Variants in SLIT2 observed in about 807,000 individuals in gnomAD.
SLIT2 encodes the protein slit homolog 2 protein.
A neutral mutation model predicts 185.7 loss-of-function variants in SLIT2; 41 were observed. That is an observed-to-expected ratio of 0.22 (90% CI 0.17 to 0.29). SLIT2 has a LOEUF of 0.29. Ranked by LOEUF, SLIT2 falls within the 10% of genes least tolerant of loss-of-function variation. The pLI, the probability that SLIT2 is intolerant of heterozygous loss-of-function variation, is 1.00. For synonymous variants in SLIT2, 693 were observed against 680.2 expected (o/e 1.02, Z -0.29); for missense variants, 1,571 against 1,909.0 (o/e 0.82, Z 3.30).
intron 30 of SLIT2, among the ~76,000 whole-genome samples, chr4:20,591,823 A>G (rs980023599): frequency 6.6e-6 from 1 of 152,132 alleles, no homozygotes; most frequent in Non-Finnish European, 1.5e-5. Context: ...AGTATAAGAT[A>G]AAGTATTAGT....
chr4:20,374,846 G>A lies in SLIT2; in HGVS notation c.396-92906G>A, dbSNP rs573693939. On this transcript the variant is annotated intron_variant, in intron 4 of 36. Coordinates refer to ENST00000504154, the MANE Select transcript of SLIT2 (RefSeq NM_004787.4). ...CTGTGACAATATAAACTTATTAAAG[G>A]CTTACGTTCACTCGATACATTGATC... 5.7e-4 allele frequency among the ~76,000 whole-genome samples: 87 copies of A among 152,090 alleles called. No individual in the cohort carries two copies. In the South Asian group the frequency reaches 0.015, roughly 25 times the overall value.
intron 4 of SLIT2, among the ~76,000 whole-genome samples, chr4:20,429,867 G>A (rs563103808): frequency 1.7e-4 from 26 of 152,272 alleles, no homozygotes; most frequent in South Asian, 1.0e-3. Flanking sequence ...AGGTCTACTC[G>A]ATCTCTTTAG....
chr4:20,409,681 C>T (rs1727051286), intron 4 of SLIT2, among the ~76,000 whole-genome samples: 1 of 152,186 alleles, frequency 6.6e-6, no homozygotes, highest in Non-Finnish European at 1.5e-5. Context: ...AATTTACATT[C>T]CCATCAACAA....
intron 20 of SLIT2, among the ~76,000 whole-genome samples, chr4:20,542,154 T>C (rs1397071141): frequency 6.6e-6 from 1 of 152,188 alleles, no homozygotes; most frequent in Non-Finnish European, 1.5e-5. Flanking sequence ...CTTATGTCTC[T>C]TCATATCTGT....
intron 4 of SLIT2, among the ~76,000 whole-genome samples, chr4:20,352,292 T>A (rs1721946314): frequency 7.1e-6 from 1 of 141,420 alleles, no homozygotes; most frequent in South Asian, 2.1e-4. Context: ...TAAAAGCCTC[T>A]TCTCACCTTT....
intron 26 of SLIT2, among the ~76,000 whole-genome samples, chr4:20,563,521 CT>C (rs1042076159): frequency 2.0e-5 from 3 of 151,736 alleles, no homozygotes; most frequent in African/African-American, 7.3e-5. Flanking sequence ...ATCACAGTTG[CT>C]TTCCCTAACA....
intron 5 of SLIT2, among the ~76,000 whole-genome samples, chr4:20,470,988 T>C (rs1377414641): frequency 6.6e-6 from 1 of 152,194 alleles, no homozygotes; most frequent in Non-Finnish European, 1.5e-5. Flanking sequence ...TGGAAGCTTA[T>C]GTTTCTACAG....
intron 3 of SLIT2, among the ~76,000 whole-genome samples, chr4:20,261,262 C>T (rs1335750127): frequency 6.6e-6 from 1 of 151,772 alleles, no homozygotes; most frequent in East Asian, 1.9e-4. Context: ...ATGTACTCTA[C>T]CTAGATGACC....
At chr4:20,450,093 C>T (rs1241097395) in intron 4 of SLIT2, among the ~76,000 whole-genome samples, 1 of 152,074 alleles carries the variant, frequency 6.6e-6, no homozygotes. Context: ...GGAAGATTAC[C>T]TTTGATAATG....
At chr4:20,293,480 TAAAC>T (rs1242209713) in intron 4 of SLIT2, among the ~76,000 whole-genome samples, 1 of 152,192 alleles carries the variant, frequency 6.6e-6, no homozygotes, top group Non-Finnish European at 1.5e-5. Flanking sequence ...AAAGCCTAAA[TAAAC>T]AGCAATGAGA....
chr4:20,510,468 T>C (rs757130603), intron 9 of SLIT2, 27 bp from the exon 10 acceptor site: 2 of 1,522,358 alleles, frequency 1.3e-6, no homozygotes, highest in Admixed American at 3.4e-5. Context: ...CATTTCCATT[T>C]AAAAGTTGAA....
intron 10 of SLIT2, 35 bp downstream of exon 10, chr4:20,510,601 T>A (rs1343832035): frequency 5.1e-6 from 7 of 1,360,404 alleles, no homozygotes; most frequent in East Asian, 4.6e-5. Flanking sequence ...TATGTAATTT[T>A]AAAAATTATA....
chr4:20,448,781 G>A (rs1712117120), intron 4 of SLIT2, among the ~76,000 whole-genome samples: 1 of 152,070 alleles, frequency 6.6e-6, no homozygotes, highest in Non-Finnish European at 1.5e-5. Flanking sequence ...GGGATTACAG[G>A]CGCACACCAC....
At chr4:20,377,709 G>GTT (rs1446332420) in intron 4 of SLIT2, among the ~76,000 whole-genome samples, 1 of 151,978 alleles carries the variant, frequency 6.6e-6, no homozygotes, top group East Asian at 1.9e-4. Flanking sequence ...CTACAGAAGG[G>GTT]GTTCAAGTCC....
At chr4:20,445,885 G>A (rs1711734743) in intron 4 of SLIT2, among the ~76,000 whole-genome samples, 1 of 152,124 alleles carries the variant, frequency 6.6e-6, no homozygotes, top group East Asian at 1.9e-4. Flanking sequence ...TGTCAAGTGG[G>A]CTAAAAGCGG....
At chr4:20,488,124 T>C (rs922967533) in intron 7 of SLIT2, among the ~76,000 whole-genome samples, 20 of 152,172 alleles carry the variant, frequency 1.3e-4, no homozygotes, top group African/African-American at 4.8e-4. Context: ...TTGGAAGCAA[T>C]CCATGATCTT....
chr4:20,320,774 T>C (rs1019151667), intron 4 of SLIT2, among the ~76,000 whole-genome samples: 1 of 152,188 alleles, frequency 6.6e-6, no homozygotes, highest in Non-Finnish European at 1.5e-5. Flanking sequence ...CATAGCCCAC[T>C]CCAACTTCTA....
intron 4 of SLIT2, among the ~76,000 whole-genome samples, chr4:20,437,827 A>G (rs1363833819): frequency 2.0e-5 from 3 of 147,102 alleles, no homozygotes; most frequent in African/African-American, 7.5e-5. Context: ...AGGCAGGAGA[A>G]TGGCGTGAAC....
intron 4 of SLIT2, chr4:20,364,183 A>G (rs1722942394): frequency 1.4e-6 from 1 of 699,150 alleles, no homozygotes; most frequent in Non-Finnish European, 1.8e-6. Flanking sequence ...ACTTAGAGAA[A>G]TACTGGGATG....
Sources: allele counts gnomAD v4.1 joint callset (sites outside exome capture counted in the v4.1 genomes callset), GRCh38; gene constraint gnomAD v4.1.1; transcripts MANE v1.5; gene names NCBI Gene and HGNC (gene_info 2026-07-23, HGNC 2026-07-21).